The following EYS variants were observed in gnomAD, a reference collection of about 807,000 sequenced individuals.
EYS encodes protein eyes shut homolog.
In EYS, 250 loss-of-function variants were observed where a neutral mutation model predicts 282.1. The ratio of observed to expected loss-of-function variants is 0.89; its 90% CI spans 0.80 to 0.98. EYS has a LOEUF of 0.98. EYS is among the 50% of genes least tolerant of loss of function. EYS has a pLI of 0.00. For synonymous variants in EYS, 1,355 were observed against 1,282.9 expected (o/e 1.06, Z -1.20); for missense variants, 4,016 against 3,709.0 (o/e 1.08, Z -2.15).
chr6:64,156,182 T>C (rs1447534882), intron 31 of EYS, among the ~76,000 whole-genome samples: 4 of 152,058 alleles, frequency 2.6e-5, no homozygotes, highest in Non-Finnish European at 5.9e-5. Context: ...TGGGAGACAA[T>C]TTGAATCATG....
At chr6:65,239,191 AG>A (rs1766998001) in intron 12 of EYS, among the ~76,000 whole-genome samples, 1 of 152,086 alleles carries the variant, frequency 6.6e-6, no homozygotes, top group South Asian at 2.1e-4. Flanking sequence ...CTGTCTTCAC[AG>A]GGTGATGCTC....
chr6:63,769,177 C>G (rs1769870764), intron 40 of EYS, among the ~76,000 whole-genome samples: 1 of 151,924 alleles, frequency 6.6e-6, no homozygotes, highest in African/African-American at 2.4e-5. Context: ...CGGCAACACA[C>G]ACTTACGTAA....
At chr6:64,342,480 A>G (rs1771161175) in intron 29 of EYS, among the ~76,000 whole-genome samples, 1 of 152,024 alleles carries the variant, frequency 6.6e-6, no homozygotes, top group Admixed American at 6.6e-5. Flanking sequence ...TCATAAGTGA[A>G]GGAGAAATAA....
intron 31 of EYS, among the ~76,000 whole-genome samples, chr6:64,221,183 T>G (rs1766090243): frequency 6.6e-6 from 1 of 152,176 alleles, no homozygotes; most frequent in Admixed American, 6.6e-5. Context: ...TTCCTATTTC[T>G]TAGTTACTAC....
chr6:65,448,487 G>C (rs1764276942), intron 5 of EYS, among the ~76,000 whole-genome samples: 1 of 151,858 alleles, frequency 6.6e-6, no homozygotes, highest in Admixed American at 6.6e-5. Context: ...TTTCAGGTTA[G>C]GACAACTTAA....
At chr6:65,040,158 T>C (rs1293099579) in intron 13 of EYS, among the ~76,000 whole-genome samples, 2 of 151,752 alleles carry the variant, frequency 1.3e-5, no homozygotes, top group African/African-American at 2.4e-5. Context: ...GACCTCTACC[T>C]TGTATTTGTG....
intron 22 of EYS, among the ~76,000 whole-genome samples, chr6:64,789,794 C>A (rs150183405): frequency 1.1e-4 from 17 of 151,718 alleles, no homozygotes; most frequent in African/African-American, 4.1e-4. Flanking sequence ...TTCTGATATA[C>A]TACATGGCAC....
chr6:64,712,521 T>C (rs1315942702), intron 22 of EYS, among the ~76,000 whole-genome samples: 1 of 152,150 alleles, frequency 6.6e-6, no homozygotes, highest in Non-Finnish European at 1.5e-5. Flanking sequence ...AAGCAAGGAA[T>C]GTTAAAGGCC....
At chr6:64,429,744 C>T (rs936110886) in intron 28 of EYS, among the ~76,000 whole-genome samples, 1 of 152,104 alleles carries the variant, frequency 6.6e-6, no homozygotes, top group South Asian at 2.1e-4. Context: ...TGAAATTTCA[C>T]TCCTACTCTA....
At chr6:63,852,747 A>C (rs1772292087) in intron 36 of EYS, among the ~76,000 whole-genome samples, 1 of 152,210 alleles carries the variant, frequency 6.6e-6, no homozygotes, top group Non-Finnish European at 1.5e-5. Flanking sequence ...AATACTAGCT[A>C]ACTGAATCCA....
At chr6:65,604,842 C>CCCT (rs35924341) in intron 2 of EYS, among the ~76,000 whole-genome samples, 4 of 130,410 alleles carry the variant, frequency 3.1e-5, no homozygotes, top group African/African-American at 2.8e-5. Context: ...TCACTGCCCC[C>CCCT]TTTTTTTTTT....
intron 35 of EYS, among the ~76,000 whole-genome samples, chr6:63,919,471 G>T (rs1286523158): frequency 6.6e-6 from 1 of 151,406 alleles, no homozygotes; most frequent in African/African-American, 2.4e-5. Context: ...AGTCCCCTTT[G>T]TATCTAATTC....
intron 5 of EYS, among the ~76,000 whole-genome samples, chr6:65,453,637 A>T (rs984714024): frequency 6.6e-6 from 1 of 151,876 alleles, no homozygotes; most frequent in East Asian, 1.9e-4. Context: ...CTTTCTATCT[A>T]ATTGTATCTA....
intron 12 of EYS, among the ~76,000 whole-genome samples, chr6:65,135,605 C>T (rs1776000462): frequency 6.6e-6 from 1 of 151,872 alleles, no homozygotes; most frequent in Non-Finnish European, 1.5e-5. Context: ...TTCTGCTAAA[C>T]ACTTACAAGT....
At chr6:63,829,013 A>C (rs1325291800) in intron 36 of EYS, among the ~76,000 whole-genome samples, 1 of 152,246 alleles carries the variant, frequency 6.6e-6, no homozygotes, top group African/African-American at 2.4e-5. Context: ...ATTATTCAAA[A>C]AAGATACTTG....
intron 12 of EYS, among the ~76,000 whole-genome samples, chr6:65,147,298 G>C (rs116238491): frequency 4.9e-4 from 75 of 151,954 alleles, no homozygotes; most frequent in Non-Finnish European, 8.4e-4. Context: ...GCACACACAT[G>C]TCATCTCTGT....
intron 19 of EYS, among the ~76,000 whole-genome samples, chr6:64,857,577 G>A (rs562748421): frequency 2.9e-4 from 44 of 152,266 alleles, no homozygotes; most frequent in African/African-American, 1.0e-3. Flanking sequence ...TGGAGATGCA[G>A]ATATACTTTT....
At chr6:64,544,049 A>G (rs1035190803) in intron 26 of EYS, among the ~76,000 whole-genome samples, 17 of 152,196 alleles carry the variant, frequency 1.1e-4, no homozygotes, top group Admixed American at 2.0e-4. Context: ...AGGAATTATT[A>G]TCTACAAAAC....
intron 22 of EYS, among the ~76,000 whole-genome samples, chr6:64,779,421 A>G (rs933490857): frequency 1.3e-5 from 2 of 152,120 alleles, no homozygotes; most frequent in African/African-American, 4.8e-5. Context: ...TTCTTATTAT[A>G]TGACATTCTG....
Sources: allele counts gnomAD v4.1 joint callset (sites outside exome capture counted in the v4.1 genomes callset), GRCh38; gene constraint gnomAD v4.1.1; transcripts MANE v1.5; gene names NCBI Gene and HGNC (gene_info 2026-07-23, HGNC 2026-07-21).